Variants in NUDT9 observed in about 807,000 individuals in gnomAD.
NUDT9 encodes ADP-ribose pyrophosphatase.
NUDT9 carries 31 observed loss-of-function variants against 41.0 expected under a neutral mutation model. That is an observed-to-expected ratio of 0.76 (90% CI 0.57 to 1.02). The LOEUF (loss-of-function observed/expected upper bound fraction) is 1.02. NUDT9 is among the 50% of genes least tolerant of loss of function. NUDT9 has a pLI of 0.00. For synonymous variants in NUDT9, 146 were observed against 147.6 expected (o/e 0.99, Z 0.08); for missense variants, 380 against 431.4 (o/e 0.88, Z 1.06).
At chr4:87,427,303 T>C (rs1042387903) in intron 1 of NUDT9, among the ~76,000 whole-genome samples, 5 of 152,204 alleles carry the variant, frequency 3.3e-5, no homozygotes, top group African/African-American at 1.2e-4. Context: ...TATTGCATTT[T>C]TAAAAGTTTG....
intron 1 of NUDT9, among the ~76,000 whole-genome samples, chr4:87,429,894 T>G (rs13134914): frequency 0.096 from 14,638 of 152,078 alleles, 1,020 homozygotes; most frequent in East Asian, 0.29. Flanking sequence ...CTATATATGC[T>G]TATATAATAA....
intron 2 of NUDT9, among the ~76,000 whole-genome samples, chr4:87,436,119 G>A (rs1390018659): frequency 6.6e-6 from 1 of 152,038 alleles, no homozygotes; most frequent in Non-Finnish European, 1.5e-5. Context: ...TCAGCCACCT[G>A]AGTAGCTAGG....
intron 4 of NUDT9, among the ~76,000 whole-genome samples, chr4:87,447,813 G>A (rs184195832): frequency 6.6e-6 from 1 of 152,124 alleles, no homozygotes; most frequent in Non-Finnish European, 1.5e-5. Flanking sequence ...GTGGGAGGAT[G>A]GCTTGAGGCC....
chr4:87,445,910 C>T (rs1228675320), intron 4 of NUDT9, among the ~76,000 whole-genome samples: 1 of 151,850 alleles, frequency 6.6e-6, no homozygotes, highest in East Asian at 1.9e-4. Context: ...CTGATCCTGC[C>T]TTCTCCCCAG....
chr4:87,430,001 AAG>A (rs1298288578), intron 1 of NUDT9, among the ~76,000 whole-genome samples: 1 of 152,158 alleles, frequency 6.6e-6, no homozygotes, highest in African/African-American at 2.4e-5. Context: ...TACATAGCAA[AAG>A]AGAGTGCAGA....
At chr4:87,423,063 G>C (rs1466104780) in intron 1 of NUDT9, 51 bp downstream of exon 1, 1 of 1,420,130 alleles carries the variant, frequency 7.0e-7, no homozygotes, top group East Asian at 2.4e-5. Flanking sequence ...TTGAGTTGGG[G>C]GTGGGAAGCA....
At chr4:87,444,482 A>G (rs544074178) in intron 4 of NUDT9, among the ~76,000 whole-genome samples, 1 of 151,938 alleles carries the variant, frequency 6.6e-6, no homozygotes, top group Non-Finnish European at 1.5e-5. Context: ...TGATCAGCCT[A>G]CCTCTCCATC....
intron 1 of NUDT9, among the ~76,000 whole-genome samples, chr4:87,425,836 A>C (rs6816563): frequency 0.28 from 41,975 of 150,980 alleles, 6,167 homozygotes; most frequent in East Asian, 0.52. Context: ...TTCTTTTTTA[A>C]TTGCTCTGTC....
intron 1 of NUDT9, among the ~76,000 whole-genome samples, chr4:87,427,141 A>G (rs1178157852): frequency 6.6e-6 from 1 of 151,416 alleles, no homozygotes; most frequent in Admixed American, 6.6e-5. Flanking sequence ...AAAAAGTTAA[A>G]AAAAAAAAAA....
intron 2 of NUDT9, among the ~76,000 whole-genome samples, chr4:87,437,227 G>A (rs1721975553): frequency 7.4e-6 from 1 of 135,258 alleles, no homozygotes; most frequent in African/African-American, 2.7e-5. Context: ...TCCAGCCTGG[G>A]TGACAGAACG....
chr4:87,436,507 C>T (rs922121716), intron 2 of NUDT9, among the ~76,000 whole-genome samples: 4 of 151,942 alleles, frequency 2.6e-5, no homozygotes, highest in Non-Finnish European at 5.9e-5. Flanking sequence ...GAAGAGTTCT[C>T]ACTGTATCAT....
At chr4:87,437,638 G>A (rs1722012971) in intron 2 of NUDT9, among the ~76,000 whole-genome samples, 1 of 151,992 alleles carries the variant, frequency 6.6e-6, no homozygotes, top group South Asian at 2.1e-4. Flanking sequence ...CACCATGCCT[G>A]GCTGTAAAGT....
chr4:87,422,860 C>T lies in NUDT9; in HGVS notation c.-46C>T, dbSNP rs763004864. On this transcript the variant is annotated 5_prime_UTR_variant, in exon 1 of 8. Coordinates refer to ENST00000302174, the MANE Select transcript of NUDT9 (RefSeq NM_024047.5). ...TGTGGGGTGTGGGGAGGCGGAGGCA[C>T]CAACTAAGAGCGACCTAGCATCGCA... 1.3e-5 allele frequency: 20 copies of T among 1,504,208 alleles called. No individual in the cohort carries two copies. Among genetic ancestry groups the T allele is most frequent in the Non-Finnish European group, 1.7e-5 (19 of 1,097,654 alleles). The allele number at this position is 1,504,208 out of a possible 1,614,324, so 93.2% of individuals were successfully genotyped here.
intron 3 of NUDT9, among the ~76,000 whole-genome samples, chr4:87,441,009 TA>T (rs893331631): frequency 4.6e-5 from 7 of 151,934 alleles, no homozygotes; most frequent in Non-Finnish European, 7.4e-5. Flanking sequence ...AAAAACAATA[TA>T]AAAATTCATT....
At chr4:87,430,055 G>T (rs1199710112) in intron 1 of NUDT9, among the ~76,000 whole-genome samples, 1 of 152,160 alleles carries the variant, frequency 6.6e-6, no homozygotes, top group Non-Finnish European at 1.5e-5. Flanking sequence ...AGAGCATCCT[G>T]GAAGGTGCGC....
intron 4 of NUDT9, among the ~76,000 whole-genome samples, chr4:87,444,980 G>A (rs1189948658): frequency 6.6e-6 from 1 of 152,158 alleles, no homozygotes; most frequent in Non-Finnish European, 1.5e-5. Flanking sequence ...AAATAGATGA[G>A]AGGCAGCAGA....
At position 87,454,418 on chromosome 4, in the gene NUDT9, G is replaced by A. The variant is rs1223502847; in HGVS notation, c.837G>A (p.Trp279Ter). The change falls in exon 7 of 8, where the codon TGG (tryptophan) becomes TGA (stop). Residue 279 changes from tryptophan to a stop codon, truncating the protein, a stop_gained. Coordinates refer to ENST00000302174, the MANE Select transcript of NUDT9 (RefSeq NM_024047.5). LOFTEE classifies it high-confidence loss of function. ...ATCCTCGAAACACTGATAATGCATG[G>A]ATGGAGACAGAAGCTGTGAACTACC... Reference protein sequence around the residue: ...VDDPRNTDNAWMETEAVNYHD... With the variant: ...VDDPRNTDNA 6.2e-7 allele frequency: 1 copy of A among 1,611,596 alleles called. No homozygotes were observed. The highest frequency in any genetic ancestry group is 8.5e-7 in the Non-Finnish European group (1 of 1,177,890).
chr4:87,454,480 C>T (rs2110192651), intron 7 of NUDT9, 25 bp downstream of exon 7: 15 of 1,455,076 alleles, frequency 1.0e-5, no homozygotes, highest in Middle Eastern at 1.7e-4. Flanking sequence ...ATTAAACTGG[C>T]TGGGATTAAA....
At chr4:87,446,979 G>A (rs922260500) in intron 4 of NUDT9, among the ~76,000 whole-genome samples, 2 of 152,162 alleles carry the variant, frequency 1.3e-5, no homozygotes, top group Non-Finnish European at 2.9e-5. Flanking sequence ...GTCAAAGTGA[G>A]TGAGCTTTCT....
Sources: allele counts gnomAD v4.1 joint callset (sites outside exome capture counted in the v4.1 genomes callset), GRCh38; gene constraint gnomAD v4.1.1; transcripts MANE v1.5; gene names NCBI Gene and HGNC (gene_info 2026-07-23, HGNC 2026-07-21).